AASDH: variants seen among roughly 807,000 people sequenced by gnomAD.
AASDH encodes aminoadipate-semialdehyde dehydrogenase, also known as beta-alanine-activating enzyme.
Under a neutral mutation model 102.3 loss-of-function variants are expected in AASDH, and 81 were observed. That is an observed-to-expected ratio of 0.79 (90% CI 0.66 to 0.95). AASDH has a LOEUF of 0.95. Among genes scored for constraint, AASDH ranks in the 40% least tolerant of loss-of-function variants. The pLI, the probability that AASDH is intolerant of heterozygous loss-of-function variation, is 0.00. For missense variants in AASDH, 1,203 were observed against 1,266.2 expected, an observed-to-expected ratio of 0.95 and a Z score of 0.76; for synonymous variants, 398 against 454.0, an observed-to-expected ratio of 0.88 and a Z score of 1.57.
intron 5 of AASDH, among the ~76,000 whole-genome samples, chr4:56,360,330 T>G (rs1750145990): frequency 6.6e-6 from 1 of 152,208 alleles, no homozygotes; most frequent in Non-Finnish European, 1.5e-5. Flanking sequence ...TGTTGACCTC[T>G]CAGGCTAGGG....
At chr4:56,368,932 C>T (rs564121958) in intron 5 of AASDH, among the ~76,000 whole-genome samples, 118 of 150,408 alleles carry the variant, frequency 7.8e-4, no homozygotes, top group African/African-American at 2.8e-3. Flanking sequence ...AAAAGATGAA[C>T]CCTGACAACA....
intron 14 of AASDH, 92 bp from the exon 15 acceptor site, chr4:56,338,883 G>GAGAT (rs938911775): frequency 1.8e-5 from 23 of 1,263,650 alleles, no homozygotes; most frequent in Middle Eastern, 2.2e-4. Flanking sequence ...GCAAATCTAA[G>GAGAT]AGATATAGGC....
At chr4:56,346,553 G>C (rs537547188) in intron 11 of AASDH, among the ~76,000 whole-genome samples, 100 of 152,142 alleles carry the variant, frequency 6.6e-4, no homozygotes, top group African/African-American at 2.1e-3. Flanking sequence ...CTCTTCAAAA[G>C]ACACTATGTC....
At chr4:56,369,382 C>T (rs1004397358) in intron 5 of AASDH, among the ~76,000 whole-genome samples, 2 of 152,040 alleles carry the variant, frequency 1.3e-5, no homozygotes, top group African/African-American at 2.4e-5. Context: ...GTAAATAAAA[C>T]AGTTATAGTA....
In AASDH at chr4:56,339,181, T is replaced by A. The variant is rs533688578; in HGVS notation, c.2908-390A>T. ...ATTATTATTTTTTTTTGAGATGGAG[T>A]CTTGCTCTGTCGCCCAGGCTGGAGT... On this transcript the variant is annotated intron_variant, in intron 14 of 14. Transcript: ENST00000205214. Among the ~76,000 whole-genome samples the A allele has an allele frequency of 4.4e-4, 67 of 151,722 alleles. No individual in the cohort carries two copies. In the Middle Eastern group the frequency reaches 0.027, roughly 62 times the overall value.
chr4:56,353,200 A>T (rs775097161), intron 9 of AASDH, among the ~76,000 whole-genome samples: 18 of 152,110 alleles, frequency 1.2e-4, no homozygotes, highest in South Asian at 2.1e-4. Context: ...TATTTTCTTC[A>T]TCTGTAAATA....
Position 56,349,693 on chromosome 4 carries a change from T to C in AASDH, c.2058A>G (p.Gln686=). The C allele has an allele frequency of 1.2e-6, 2 of 1,614,202 alleles. No homozygotes were observed. The highest frequency in any genetic ancestry group is 8.5e-7 in the Non-Finnish European group (1 of 1,180,030). The part of the protein sequence containing the change: ...NAFVVLSRGS[Q]ILSLNSTRFL... ...ACCTAGTGGAATTCAGAGACAAAAT[T>C]TGACTCCCTCTGCTCAGTACAACAA... The change falls in exon 11 of 15, where the codon CAA becomes CAG. Residue 686 remains glutamine (Q), a synonymous_variant. Transcript: ENST00000205214.
chr4:56,338,828 T>A, intron 14 of AASDH, 37 bp from the exon 15 acceptor site: 3 of 1,569,476 alleles, frequency 1.9e-6, no homozygotes, highest in Non-Finnish European at 2.6e-6. Flanking sequence ...AATTCATTCA[T>A]CTAATTGCTC....
chr4:56,370,370 G>A (rs1751542516), intron 5 of AASDH, among the ~76,000 whole-genome samples: 2 of 151,760 alleles, frequency 1.3e-5, no homozygotes, highest in Admixed American at 1.3e-4. Flanking sequence ...AAGAGAGAGA[G>A]AGAGAGGGAC....
chr4:56,382,407 AGAAG>A (rs752672797), intron 3 of AASDH, 66 bp downstream of exon 3: 78 of 1,399,072 alleles, frequency 5.6e-5, no homozygotes, highest in Non-Finnish European at 7.5e-5. Flanking sequence ...TCCAGATGGG[AGAAG>A]GAAGGAATGT....
At position 56,342,911 on chromosome 4, in the gene AASDH, G is replaced by A. The variant is rs1424375554; in HGVS notation, c.2831C>T (p.Pro944Leu). Reference protein sequence around the residue: ...HSCGKPLFSSPQCCSQYICIG... With the variant: ...HSCGKPLFSSLQCCSQYICIG... ...ACAAATATACTGTGAGCAACATTGTGGGGAAGAGAAGAGTGGTTTTCCACA... is the reference window on the plus strand; with the variant it reads ...ACAAATATACTGTGAGCAACATTGTAGGGAAGAGAAGAGTGGTTTTCCACA... The change falls in exon 14 of 15, where the codon CCA becomes CTA. Residue 944 changes from proline to leucine, a missense_variant. Pro to Leu is a moderately conservative substitution (Grantham distance 98). Transcript: ENST00000205214. The A allele has an allele frequency of 1.3e-6, 2 of 1,596,036 alleles. No individual in the cohort carries two copies. Among genetic ancestry groups the A allele is most frequent in the South Asian group, 1.1e-5 (1 of 88,770 alleles).
chr4:56,346,098 T>C lies in AASDH; in HGVS notation c.2489-808A>G, dbSNP rs9994079. ...CTTGGTGTAGCCAAAATAACCTAACTGGAAGTAGAGATGGTTCAAATGTAC... is the reference window on the plus strand; with the variant it reads ...CTTGGTGTAGCCAAAATAACCTAACCGGAAGTAGAGATGGTTCAAATGTAC... On this transcript the variant is annotated intron_variant, in intron 11 of 14. Coordinates refer to ENST00000205214, the MANE Select transcript of AASDH (RefSeq NM_181806.4). 6.8e-3 allele frequency among the ~76,000 whole-genome samples: 1,042 copies of C among 152,256 alleles called. 14 individuals carry two copies. Among genetic ancestry groups the C allele is most frequent in the African/African-American group, 0.024 (987 of 41,550 alleles).
chr4:56,384,315 C>G lies in AASDH; in HGVS notation c.-16G>C. ...GAAGAGTCATTTCACTGAAGTTTATCTAAACATCAATTTGTAGCACAGAAC... is the reference window on the plus strand; with the variant it reads ...GAAGAGTCATTTCACTGAAGTTTATGTAAACATCAATTTGTAGCACAGAAC... On this transcript the variant is annotated 5_prime_UTR_variant, in exon 2 of 15. Coordinates refer to ENST00000205214, the MANE Select transcript of AASDH (RefSeq NM_181806.4). The G allele has an allele frequency of 6.2e-7, 1 of 1,604,452 alleles. No homozygotes were observed. Among genetic ancestry groups the G allele is most frequent in the South Asian group, 1.1e-5 (1 of 90,888 alleles).
chr4:56,356,308 C>A, intron 5 of AASDH: 2 of 1,337,516 alleles, frequency 1.5e-6, no homozygotes, highest in Non-Finnish European at 2.1e-6. Flanking sequence ...AATAGCCCTG[C>A]TCTATCAGGT....
intron 5 of AASDH, among the ~76,000 whole-genome samples, chr4:56,361,317 G>A (rs1750258963): frequency 6.6e-6 from 1 of 152,150 alleles, no homozygotes; most frequent in African/African-American, 2.4e-5. Context: ...GCTGAGGCAT[G>A]AGAATCACTT....
Position 56,349,742 on chromosome 4 carries a change from G to T in AASDH, c.2009C>A (p.Thr670Asn), listed in dbSNP as rs748449952. 1 of 1,614,226 alleles carries T rather than the reference G, an allele frequency of 6.2e-7. No individual in the cohort carries two copies. The highest frequency in any genetic ancestry group is 8.5e-7 in the Non-Finnish European group (1 of 1,180,044). ...SLHQKAIMTF[T>N]CHNEINAFVV... ...AAAAGCATTAATCTCATTGTGGCAA[G>T]TGAAAGTCATGATGGCTTTCTGATG... Residue 670 changes from threonine to asparagine, a missense_variant, in exon 11 of 15, where the codon ACT (threonine) becomes AAT (asparagine). By Grantham distance (65) the Thr-to-Asn change is moderately conservative. Transcript: ENST00000205214.
chr4:56,341,681 G>A (rs148140160), intron 14 of AASDH, among the ~76,000 whole-genome samples: 102 of 151,734 alleles, frequency 6.7e-4, no homozygotes, highest in African/African-American at 2.4e-3. Context: ...GATTACAGGC[G>A]TGAGCCATGA....
intron 3 of AASDH, among the ~76,000 whole-genome samples, chr4:56,379,337 T>C (rs535897698): frequency 1.3e-5 from 2 of 152,260 alleles, no homozygotes; most frequent in African/African-American, 4.8e-5. Context: ...CTCACTATGT[T>C]ACCCAATCTG....
intron 5 of AASDH, among the ~76,000 whole-genome samples, chr4:56,361,055 T>C (rs2109925554): frequency 6.6e-6 from 1 of 152,306 alleles, no homozygotes; most frequent in East Asian, 1.9e-4. Flanking sequence ...ACTTCTGGTG[T>C]TAAGTATAAT....
Sources: allele counts gnomAD v4.1 joint callset (sites outside exome capture counted in the v4.1 genomes callset), GRCh38; gene constraint gnomAD v4.1.1; transcripts MANE v1.5; gene names NCBI Gene and HGNC (gene_info 2026-07-23, HGNC 2026-07-21).